Variants in PCDHGA5 observed in about 807,000 individuals in gnomAD.
The protein encoded by PCDHGA5 is protocadherin gamma subfamily A, 5, also known as protocadherin gamma-A5.
In PCDHGA5, 36 loss-of-function variants were observed where a neutral mutation model predicts 56.7. That is an observed-to-expected ratio of 0.64 (90% CI 0.49 to 0.84). The LOEUF (loss-of-function observed/expected upper bound fraction) is 0.84. Ranked by LOEUF, PCDHGA5 falls within the 40% of genes least tolerant of loss-of-function variation. The probability of loss-of-function intolerance (pLI) is 0.00; values close to 1 mark genes in which losing one functional copy is unlikely to be tolerated. For missense variants in PCDHGA5, 1,305 were observed against 1,201.5 expected (o/e 1.09, Z -1.27); for synonymous variants, 563 against 520.2 (o/e 1.08, Z -1.12).
chr5:141,486,578 C>A lies in PCDHGA5; in HGVS notation c.2422-8229C>A, dbSNP rs780578882. 5 of 1,613,610 alleles carry A rather than the reference C, an allele frequency of 3.1e-6. No homozygotes were observed. In the Admixed American group the frequency reaches 6.7e-5, roughly 22 times the overall value. On this transcript the variant is annotated intron_variant, in intron 1 of 3. Coordinates refer to ENST00000518069, the MANE Select transcript of PCDHGA5 (RefSeq NM_018918.3). The surrounding 1 kb of genome is among the most constrained non-coding windows in gnomAD (Gnocchi z 5.0). Reference sequence around the variant, plus strand: ...TGAGGTGTTTGTTCCTGAGAACAATCGCCCAGGGGACCTGCTTTGCTCCCT... The same window carrying A: ...TGAGGTGTTTGTTCCTGAGAACAATAGCCCAGGGGACCTGCTTTGCTCCCT...
At chr5:141,449,137 A>C (rs1257120647) in intron 1 of PCDHGA5, among the ~76,000 whole-genome samples, 1 of 152,176 alleles carries the variant, frequency 6.6e-6, no homozygotes, top group Non-Finnish European at 1.5e-5. Context: ...AATGGAATTG[A>C]AATTGCTGGG....
intron 1 of PCDHGA5, chr5:141,417,913 T>A (rs749352432): frequency 1.2e-6 from 2 of 1,601,944 alleles, no homozygotes; most frequent in African/African-American, 1.3e-5. Flanking sequence ...AGGTACTATT[T>A]CCTTTGCTGC....
intron 1 of PCDHGA5, among the ~76,000 whole-genome samples, chr5:141,483,722 C>G (rs1043315057): frequency 6.6e-6 from 1 of 152,080 alleles, no homozygotes; most frequent in Non-Finnish European, 1.5e-5. Context: ...TATTGGTTCC[C>G]ACCATAGTCA....
At chr5:141,398,864 T>A (rs1399067876) in intron 1 of PCDHGA5, 1 of 1,613,768 alleles carries the variant, frequency 6.2e-7, no homozygotes, top group Non-Finnish European at 8.5e-7. Context: ...AACCGAGACG[T>A]GTACAGAGTC....
intron 1 of PCDHGA5, chr5:141,390,069 C>A: frequency 6.2e-7 from 1 of 1,614,076 alleles, no homozygotes; most frequent in Non-Finnish European, 8.5e-7. Context: ...CCAGCCTGGT[C>A]TCTGTGTTAA....
chr5:141,499,721 G>GTC (rs1434016871), intron 2 of PCDHGA5, among the ~76,000 whole-genome samples: 69 of 135,416 alleles, frequency 5.1e-4, no homozygotes, highest in African/African-American at 1.9e-3. Flanking sequence ...TGGAGACAGA[G>GTC]TCTCACTCTC....
rs749693337 is a variant in PCDHGA5 at position 141,366,272 on chromosome 5, G to T, written c.1942G>T (p.Asp648Tyr). 3 of 1,613,726 alleles carry T rather than the reference G, an allele frequency of 1.9e-6. No homozygotes were observed. The highest frequency in any genetic ancestry group is 1.1e-5 in the South Asian group (1 of 91,092). ...LKQSLVVAVEDHGQPPLSATF... is the reference protein window; with the variant it reads ...LKQSLVVAVEYHGQPPLSATF... ...GCAGAGCCTCGTGGTGGCCGTCGAAGACCATGGCCAGCCCCCTCTGTCAGC... is the reference window on the plus strand; with the variant it reads ...GCAGAGCCTCGTGGTGGCCGTCGAATACCATGGCCAGCCCCCTCTGTCAGC... The change falls in exon 1 of 4, where the codon GAC becomes TAC. Residue 648 changes from aspartate to tyrosine, a missense_variant. Transcript: ENST00000518069.
In PCDHGA5 at chr5:141,487,801, A is replaced by G. The variant is rs895741843; in HGVS notation, c.2422-7006A>G. The G allele has an allele frequency of 1.0e-5, 15 of 1,479,820 alleles. No individual in the cohort carries two copies. The highest frequency in any genetic ancestry group is 2.7e-6 in the Non-Finnish European group (3 of 1,095,672). The allele number at this position is 1,479,820 out of a possible 1,614,324, so 91.7% of individuals were successfully genotyped here. On this transcript the variant is annotated intron_variant, in intron 1 of 3. Coordinates refer to ENST00000518069, the MANE Select transcript of PCDHGA5 (RefSeq NM_018918.3). The surrounding 1 kb of genome is among the most constrained non-coding windows in gnomAD (Gnocchi z 5.0). ...GTTTCGTGAATTAACCAGAGTTGTC[A>G]CAGTTTAGCATTGGGGGCGGGTCAT... is the stretch of plus-strand genomic sequence containing the variant.
chr5:141,473,116 G>A (rs966472502), intron 1 of PCDHGA5, among the ~76,000 whole-genome samples: 19 of 152,114 alleles, frequency 1.2e-4, no homozygotes, highest in African/African-American at 4.6e-4. Context: ...ACTTTACTTG[G>A]CTCTTTGGCA....
intron 1 of PCDHGA5, chr5:141,385,131 C>T (rs371376308): frequency 4.3e-6 from 7 of 1,614,082 alleles, no homozygotes; most frequent in Admixed American, 1.7e-5. Flanking sequence ...TGGGCATGGA[C>T]GGGGTGCAGG....
chr5:141,402,901 T>TG, intron 1 of PCDHGA5: 1 of 1,520,230 alleles, frequency 6.6e-7, no homozygotes, highest in Non-Finnish European at 8.8e-7. Context: ...AAGAACCTGA[T>TG]GAAGCAGCGC....
intron 3 of PCDHGA5, among the ~76,000 whole-genome samples, chr5:141,505,697 C>T (rs540949327): frequency 1.4e-4 from 21 of 152,198 alleles, no homozygotes; most frequent in Admixed American, 7.2e-4. Context: ...TGGAGGAGAG[C>T]GAACAAGGAA....
Position 141,424,520 on chromosome 5 carries a change from A to T in PCDHGA5, c.2421+57769A>T, listed in dbSNP as rs527395935. ...GTATGGAAGGTTTTTTAATGTAGTA[A>T]ATCCATATATAGAAATAACTTGATT... is the stretch of plus-strand genomic sequence containing the variant. On this transcript the variant is annotated intron_variant, in intron 1 of 3. Coordinates refer to ENST00000518069, the MANE Select transcript of PCDHGA5 (RefSeq NM_018918.3). 15 of 152,286 alleles carry T rather than the reference A, an allele frequency of 9.8e-5. No individual in the cohort carries two copies. In the East Asian group the frequency reaches 2.9e-3, roughly 29 times the overall value. The allele number at this position is 152,286 out of a possible 1,614,324, so 9.4% of individuals were successfully genotyped here. A position where few individuals can be genotyped will look rare whatever the true frequency, so the allele number is the denominator to read the frequency against.
intron 1 of PCDHGA5, chr5:141,388,609 T>G: frequency 6.2e-7 from 1 of 1,613,926 alleles, no homozygotes; most frequent in Non-Finnish European, 8.5e-7. Context: ...GCTCCAGTGT[T>G]CAGTCAAGAC....
intron 1 of PCDHGA5, among the ~76,000 whole-genome samples, chr5:141,464,504 T>A (rs1264652523): frequency 6.6e-6 from 1 of 152,046 alleles, no homozygotes; most frequent in Non-Finnish European, 1.5e-5. Context: ...GATTGCTGCA[T>A]CATAAGGTAA....
At chr5:141,403,770 T>A in intron 1 of PCDHGA5, 1 of 1,613,894 alleles carries the variant, frequency 6.2e-7, no homozygotes, top group Non-Finnish European at 8.5e-7. Flanking sequence ...GATGAGGGAA[T>A]CAACGGAAAA....
intron 1 of PCDHGA5, among the ~76,000 whole-genome samples, chr5:141,446,891 C>T (rs1457416718): frequency 6.6e-6 from 1 of 152,152 alleles, no homozygotes; most frequent in South Asian, 2.1e-4. Context: ...GGGTTCATGG[C>T]TGAGCTACTT....
chr5:141,448,706 C>G (rs1344013319), intron 1 of PCDHGA5, among the ~76,000 whole-genome samples: 1 of 151,732 alleles, frequency 6.6e-6, no homozygotes, highest in African/African-American at 2.4e-5. Context: ...TTTGGGAGGC[C>G]GAGGCGGGAG....
chr5:141,442,697 G>C (rs1443734141), intron 1 of PCDHGA5, among the ~76,000 whole-genome samples: 2 of 152,258 alleles, frequency 1.3e-5, no homozygotes, highest in East Asian at 1.9e-4. Flanking sequence ...AGGCAGACAA[G>C]AGTATCAGAC....
Sources: gnomAD v4.1 joint callset for allele counts (sites outside exome capture counted in the v4.1 genomes callset) on GRCh38, gnomAD v4.1.1 for gene constraint, Gnocchi (gnomAD v3.1) non-coding constraint, MANE v1.5 for transcripts, NCBI Gene and HGNC (gene_info 2026-07-23, HGNC 2026-07-21) for gene names.